RGMA: variants seen among roughly 807,000 people sequenced by gnomAD.
RGMA encodes the protein repulsive guidance molecule BMP co-receptor a.
Under a neutral mutation model 23.2 loss-of-function variants are expected in RGMA, and 10 were observed. The observed-to-expected ratio is 0.43, with a 90% CI of 0.27 to 0.73. The LOEUF is 0.73. RGMA is among the 30% of genes least tolerant of loss of function. RGMA has a pLI of 0.20. For missense variants in RGMA, 547 were observed against 630.5 expected, an observed-to-expected ratio of 0.87 and a Z score of 1.42; for synonymous variants, 308 against 279.3, an observed-to-expected ratio of 1.10 and a Z score of -1.03.
chr15:93,055,015 G>C (rs1268733930), intron 2 of RGMA, among the ~76,000 whole-genome samples: 1 of 152,180 alleles, frequency 6.6e-6, no homozygotes, highest in Non-Finnish European at 1.5e-5. Context: ...AGCGTTTGGA[G>C]GGACCCAGCA....
At chr15:93,078,236 G>A (rs182233425) in intron 1 of RGMA, among the ~76,000 whole-genome samples, 3 of 152,270 alleles carry the variant, frequency 2.0e-5, no homozygotes, top group East Asian at 1.9e-4. Context: ...ACAGATCCCT[G>A]TCTAATATGG....
At position 93,066,516 on chromosome 15, in the gene RGMA, C is replaced by T. The variant is rs140713322; in HGVS notation, c.130+6400G>A. The T allele has an allele frequency of 1.3e-4, 62 of 493,022 alleles. 1 individual carries two copies. The highest frequency in any genetic ancestry group is 1.2e-3 in the African/African-American group (61 of 51,612). The allele number at this position is 493,022 out of a possible 1,614,324, so 30.5% of individuals were successfully genotyped here. A position where few individuals can be genotyped will look rare whatever the true frequency, so the allele number is the denominator to read the frequency against. On this transcript the variant is annotated intron_variant, in intron 2 of 3. Transcript: ENST00000329082. ...CCCAGCAGCGGGGCCCGAGGCGACT[C>T]CGCCCCTGCCACCGCCCTCCCCGCC...
rs538674945 is a variant in RGMA, at chr15:93,059,127, GGGCA to G, written c.131-6624_131-6621del. 1.5e-3 allele frequency among the ~76,000 whole-genome samples: 230 copies of G among 151,986 alleles called. 2 individuals carry two copies. Among genetic ancestry groups the G allele is most frequent in the African/African-American group, 5.4e-3 (221 of 41,290 alleles). On this transcript the variant is annotated intron_variant, in intron 2 of 3. Coordinates refer to ENST00000329082, the MANE Select transcript of RGMA (RefSeq NM_020211.3). Reference sequence around the variant, plus strand: ...CAAGTGGAAGGGCTGGGGCTGAGATGGGCAGGCCTGGAGCTGTTTCTATGCTTTT... The same window carrying G: ...CAAGTGGAAGGGCTGGGGCTGAGATGGGCCTGGAGCTGTTTCTATGCTTTT...
At chr15:93,049,639 T>C (rs2054885666) in intron 3 of RGMA, among the ~76,000 whole-genome samples, 1 of 152,216 alleles carries the variant, frequency 6.6e-6, no homozygotes, top group African/African-American at 2.4e-5. Context: ...AGGCCCCTAG[T>C]GATGCCCGGG....
intron 3 of RGMA, among the ~76,000 whole-genome samples, chr15:93,050,467 T>TCA (rs1484650799): frequency 1.3e-5 from 2 of 152,172 alleles, no homozygotes; most frequent in Non-Finnish European, 2.9e-5. Context: ...GGCTGAGCTC[T>TCA]CAGCCTGCTG....
At chr15:93,060,497 GC>G (rs2141824119) in intron 2 of RGMA, among the ~76,000 whole-genome samples, 2 of 152,348 alleles carry the variant, frequency 1.3e-5, no homozygotes, top group South Asian at 4.1e-4. Flanking sequence ...AAGCGGTGAT[GC>G]CCAGGCAATG....
intron 2 of RGMA, chr15:93,065,692 G>T: frequency 2.6e-6 from 3 of 1,168,998 alleles, no homozygotes; most frequent in Non-Finnish European, 3.7e-6. Context: ...CTGGAAGTAG[G>T]GGTGGTTTCG....
At position 93,044,671 on chromosome 15, in the gene RGMA, A is replaced by G; in HGVS notation, c.*327T>C. 1 of 383,008 alleles carries G rather than the reference A, an allele frequency of 2.6e-6. No individual in the cohort carries two copies. Among genetic ancestry groups the G allele is most frequent in the Non-Finnish European group, 4.7e-6 (1 of 213,674 alleles). The allele number at this position is 383,008 out of a possible 1,614,324, so 23.7% of individuals were successfully genotyped here. ...TGCGAGGGGGAAGGAGCTGACTCTG[A>G]CGGTTCCCAGTGTGTCTCTGGTGGG... On this transcript the variant is annotated 3_prime_UTR_variant, in exon 4 of 4. Transcript: ENST00000329082.
chr15:93,075,946 G>A (rs1049174518), intron 1 of RGMA, among the ~76,000 whole-genome samples: 1 of 152,198 alleles, frequency 6.6e-6, no homozygotes, highest in Non-Finnish European at 1.5e-5. Flanking sequence ...GCAGTATGGC[G>A]TTGTGTTGAC....
intron 2 of RGMA, chr15:93,063,091 G>T (rs1895023061): frequency 6.6e-6 from 1 of 152,232 alleles, no homozygotes; most frequent in South Asian, 2.1e-4. Context: ...CAGTGTAACT[G>T]AAGAGGCGAT....
rs2054685844 is a variant in RGMA, at chr15:93,038,569, G to GTTTTTTTTTTTATTTTTTTTTTTTTTT, written c.*6428_*6429insAAAAAAAAAAAAAAATAAAAAAAAAAA. The GTTTTTTTTTTTATTTTTTTTTTTTTTT allele has an allele frequency of 1.0e-5, 1 of 100,224 alleles. No individual in the cohort carries two copies. The highest frequency in any genetic ancestry group is 2.3e-5 in the Non-Finnish European group (1 of 42,826). The allele number at this position is 100,224 out of a possible 1,614,324, so 6.2% of individuals were successfully genotyped here. A position where few individuals can be genotyped will look rare whatever the true frequency, so the allele number is the denominator to read the frequency against. The stretch of plus-strand genomic sequence containing the variant: ...GCCTTAATGAACGAAACTGTTAGTT[G>GTTTTTTTTTTTATTTTTTTTTTTTTTT]TTTTTTTTTTTTTTTTGAGACGGTG... On this transcript the variant is annotated 3_prime_UTR_variant, in exon 4 of 4. Transcript: ENST00000329082.
intron 2 of RGMA, 31 bp downstream of exon 2, chr15:93,072,885 G>T: frequency 6.3e-7 from 1 of 1,578,434 alleles, no homozygotes; most frequent in Non-Finnish European, 8.6e-7. Flanking sequence ...CCAGGGACCC[G>T]GCCCCGCGCG....
Position 93,043,218 on chromosome 15 carries a change from G to GCGTA in RGMA, c.*1779_*1780insTACG. 1.2e-5 allele frequency: 1 copy of GCGTA among 82,690 alleles called. No individual in the cohort carries two copies. The highest frequency in any genetic ancestry group is 2.8e-5 in the Non-Finnish European group (1 of 36,338). The allele number at this position is 82,690 out of a possible 1,614,324, so 5.1% of individuals were successfully genotyped here. On this transcript the variant is annotated 3_prime_UTR_variant, in exon 4 of 4. Coordinates refer to ENST00000329082, the MANE Select transcript of RGMA (RefSeq NM_020211.3). ...CACATAGGCATGGGCGCACACACAG[G>GCGTA]CATGCGCACACATGCGTACATGCAC...
chr15:93,076,822 G>A lies in RGMA; in HGVS notation c.15-3791C>T, dbSNP rs893222759. 3.9e-5 allele frequency among the ~76,000 whole-genome samples: 6 copies of A among 152,148 alleles called. No homozygotes were observed. The South Asian group carries it at 1.2e-3, about 32-fold the overall frequency. ...GGCCGAACCCCATGCTTGGCGTACT[G>A]TGTGTGCCATTCATTCCAATGGTGG... is the stretch of plus-strand genomic sequence containing the variant. On this transcript the variant is annotated intron_variant, in intron 1 of 3. Transcript: ENST00000329082.
intron 2 of RGMA, among the ~76,000 whole-genome samples, chr15:93,070,727 A>C (rs1230543171): frequency 6.6e-6 from 1 of 152,246 alleles, no homozygotes; most frequent in Non-Finnish European, 1.5e-5. Context: ...TCAAGCCCTC[A>C]AATGAGAAGA....
chr15:93,058,809 G>A (rs1390258617), intron 2 of RGMA, among the ~76,000 whole-genome samples: 3 of 152,126 alleles, frequency 2.0e-5, no homozygotes, highest in Admixed American at 6.5e-5. Context: ...AAGGTGCTGC[G>A]GGGCCACAAA....
At chr15:93,057,063 GCACT>G (rs2055026399) in intron 2 of RGMA, among the ~76,000 whole-genome samples, 1 of 152,132 alleles carries the variant, frequency 6.6e-6, no homozygotes. Context: ...GGCCCTGCTG[GCACT>G]CACTCTCAGG....
intron 1 of RGMA, among the ~76,000 whole-genome samples, chr15:93,077,442 G>A (rs933453591): frequency 1.3e-5 from 2 of 152,324 alleles, no homozygotes; most frequent in South Asian, 2.1e-4. Flanking sequence ...TGCCCTCCTT[G>A]CTGCTGGCAG....
chr15:93,075,528 T>C lies in RGMA; in HGVS notation c.15-2497A>G, dbSNP rs536432903. ...CCCCCAGAGAATACAGAATCAGAAT[T>C]GTGAAAAATCATAGTGAAGTTTGCT... On this transcript the variant is annotated intron_variant, in intron 1 of 3. Transcript: ENST00000329082. Among the ~76,000 whole-genome samples, 47 of 152,276 alleles carry C rather than the reference T, an allele frequency of 3.1e-4. 1 individual carries two copies. The South Asian group carries it at 9.5e-3, about 31-fold the overall frequency.
Sources: gnomAD v4.1 joint callset for allele counts (sites outside exome capture counted in the v4.1 genomes callset) on GRCh38, gnomAD v4.1.1 for gene constraint, MANE v1.5 for transcripts, NCBI Gene and HGNC (gene_info 2026-07-23, HGNC 2026-07-21) for gene names.